Variants in EYS observed in about 807,000 individuals in gnomAD.
The protein encoded by EYS is protein eyes shut homolog.
A neutral mutation model predicts 282.1 loss-of-function variants in EYS; 250 were observed. The observed-to-expected ratio is 0.89, with a 90% CI of 0.80 to 0.98. The LOEUF (loss-of-function observed/expected upper bound fraction) is 0.98. EYS is among the 50% of genes least tolerant of loss of function. EYS has a pLI of 0.00. For missense variants in EYS, 4,016 were observed against 3,709.0 expected, an observed-to-expected ratio of 1.08 and a Z score of -2.15; for synonymous variants, 1,355 against 1,282.9, an observed-to-expected ratio of 1.06 and a Z score of -1.20.
chr6:64,532,789 C>T (rs1359767409), intron 26 of EYS, among the ~76,000 whole-genome samples: 2 of 151,950 alleles, frequency 1.3e-5, no homozygotes, highest in Admixed American at 6.6e-5. Flanking sequence ...GATTCTTTCC[C>T]ACACAACGTT....
At chr6:65,471,915 G>A (rs547279482) in intron 5 of EYS, among the ~76,000 whole-genome samples, 10 of 152,066 alleles carry the variant, frequency 6.6e-5, no homozygotes, top group Non-Finnish European at 1.0e-4. Context: ...ACTAAATATA[G>A]AACCTAAATG....
At chr6:65,272,921 C>T (rs1426930487) in intron 12 of EYS, among the ~76,000 whole-genome samples, 4 of 152,014 alleles carry the variant, frequency 2.6e-5, no homozygotes, top group East Asian at 3.9e-4. Flanking sequence ...AGCATGTGTG[C>T]GATCAAGTTT....
intron 19 of EYS, among the ~76,000 whole-genome samples, chr6:64,848,968 C>T (rs1054468370): frequency 6.6e-6 from 1 of 152,032 alleles, no homozygotes; most frequent in Non-Finnish European, 1.5e-5. Flanking sequence ...TATTTTTATG[C>T]TGGCAGAACT....
chr6:65,255,067 C>T (rs1255251201), intron 12 of EYS, among the ~76,000 whole-genome samples: 2 of 151,756 alleles, frequency 1.3e-5, no homozygotes, highest in African/African-American at 2.4e-5. Context: ...CCCAGAATAG[C>T]CAAAGCCATC....
chr6:64,456,950 A>G (rs542423738), intron 26 of EYS, among the ~76,000 whole-genome samples: 1 of 152,126 alleles, frequency 6.6e-6, no homozygotes, highest in Admixed American at 6.5e-5. Context: ...TCTAACTTCA[A>G]TCTGAAAAGT....
chr6:64,120,637 AT>A (rs1773556079), intron 31 of EYS, among the ~76,000 whole-genome samples: 1 of 152,122 alleles, frequency 6.6e-6, no homozygotes, highest in South Asian at 2.1e-4. Flanking sequence ...ACATCTAGAA[AT>A]CGACTGGGAG....
chr6:65,567,299 T>A (rs1764301570), intron 2 of EYS, among the ~76,000 whole-genome samples: 1 of 149,586 alleles, frequency 6.7e-6, no homozygotes, highest in Non-Finnish European at 1.5e-5. Flanking sequence ...TATAAACATA[T>A]AAATTAAATA....
intron 12 of EYS, among the ~76,000 whole-genome samples, chr6:65,063,770 C>T (rs1049658028): frequency 6.6e-6 from 1 of 152,036 alleles, no homozygotes; most frequent in Admixed American, 6.6e-5. Context: ...AAAGAGTTAT[C>T]TAAATGGTGA....
chr6:64,010,331 C>T (rs1220189143), intron 33 of EYS, among the ~76,000 whole-genome samples: 4 of 136,096 alleles, frequency 2.9e-5, no homozygotes, highest in Non-Finnish European at 6.0e-5. Context: ...TTGGCAGGTG[C>T]AGGGCTTCCA....
chr6:64,302,390 C>T (rs1224488345), intron 30 of EYS, among the ~76,000 whole-genome samples: 1 of 152,180 alleles, frequency 6.6e-6, no homozygotes. Context: ...TTACACACAT[C>T]CCTAAATTTG....
intron 7 of EYS, among the ~76,000 whole-genome samples, chr6:65,387,818 T>C (rs1412110954): frequency 6.6e-6 from 1 of 152,138 alleles, no homozygotes; most frequent in Admixed American, 6.6e-5. Context: ...TTGTAATTTT[T>C]ATAATGTTTA....
chr6:64,555,475 G>A (rs1765207834), intron 26 of EYS, among the ~76,000 whole-genome samples: 1 of 151,846 alleles, frequency 6.6e-6, no homozygotes, highest in African/African-American at 2.4e-5. Context: ...CTTGAAAATT[G>A]CTAAGAGAGA....
chr6:64,770,238 A>G (rs1025638133), intron 22 of EYS, among the ~76,000 whole-genome samples: 1 of 151,970 alleles, frequency 6.6e-6, no homozygotes, highest in African/African-American at 2.4e-5. Context: ...ATACAAGCAT[A>G]TTTCAGGTGG....
intron 35 of EYS, among the ~76,000 whole-genome samples, chr6:63,867,614 C>A (rs1372801271): frequency 6.6e-6 from 1 of 152,084 alleles, no homozygotes; most frequent in African/African-American, 2.4e-5. Flanking sequence ...AAGGCACGAA[C>A]AAATCTCTGT....
At chr6:64,218,678 C>CCT (rs1396137179) in intron 31 of EYS, among the ~76,000 whole-genome samples, 1 of 152,134 alleles carries the variant, frequency 6.6e-6, no homozygotes, top group Non-Finnish European at 1.5e-5. Flanking sequence ...GCCTTGTTTG[C>CCT]CTTTGACATT....
chr6:64,691,562 G>C (rs1412756569), intron 22 of EYS, among the ~76,000 whole-genome samples: 1 of 152,084 alleles, frequency 6.6e-6, no homozygotes, highest in Non-Finnish European at 1.5e-5. Context: ...TGTTACATGG[G>C]AATATATGCT....
chr6:64,174,847 A>G (rs1764580961), intron 31 of EYS, among the ~76,000 whole-genome samples: 1 of 152,068 alleles, frequency 6.6e-6, no homozygotes, highest in Non-Finnish European at 1.5e-5. Flanking sequence ...CACTTAAGAA[A>G]AAATGGTAAA....
intron 2 of EYS, among the ~76,000 whole-genome samples, chr6:65,519,708 A>ATATATATATATTT (rs1554205854): frequency 2.3e-5 from 1 of 42,562 alleles, no homozygotes; most frequent in African/African-American, 1.3e-4. Flanking sequence ...ATATATATAT[A>ATATATATATATTT]TTTTTTTTTT....
At chr6:64,236,556 C>A (rs1430143005) in intron 30 of EYS, among the ~76,000 whole-genome samples, 1 of 152,112 alleles carries the variant, frequency 6.6e-6, no homozygotes, top group Non-Finnish European at 1.5e-5. Context: ...TATAAGAGTT[C>A]AAGTTCTCCA....
Sources: allele counts gnomAD v4.1 joint callset (sites outside exome capture counted in the v4.1 genomes callset), GRCh38; gene constraint gnomAD v4.1.1; transcripts MANE v1.5; gene names NCBI Gene and HGNC (gene_info 2026-07-23, HGNC 2026-07-21).